The following SLC35E4 variants were observed in gnomAD, a reference collection of about 807,000 sequenced individuals.
The protein encoded by SLC35E4 is solute carrier family 35 member E4, also known as solute carrier family 35, member E4.
In SLC35E4, 15 loss-of-function variants were observed where a neutral mutation model predicts 19.3. That is an observed-to-expected ratio of 0.78 (90% CI 0.52 to 1.20). The LOEUF is 1.20. SLC35E4 is among the 50% of genes most tolerant of loss of function. The probability of loss-of-function intolerance (pLI) is 0.00; values close to 1 mark genes in which losing one functional copy is unlikely to be tolerated. For missense variants in SLC35E4, 406 were observed against 472.3 expected, an observed-to-expected ratio of 0.86 and a Z score of 1.30; for synonymous variants, 219 against 219.9, an observed-to-expected ratio of 1.00 and a Z score of 0.04.
intron 2 of SLC35E4, among the ~76,000 whole-genome samples, chr22:30,656,681 C>CT (rs1215927528): frequency 2.0e-5 from 3 of 152,180 alleles, no homozygotes; most frequent in Non-Finnish European, 4.4e-5. Flanking sequence ...CTGCTCTACT[C>CT]TGAGTCCAAA....
intron 1 of SLC35E4, among the ~76,000 whole-genome samples, chr22:30,641,144 C>T (rs2088029128): frequency 6.6e-6 from 1 of 152,244 alleles, no homozygotes; most frequent in East Asian, 1.9e-4. Flanking sequence ...AAGGTCCTAA[C>T]CTCAAGGCCC....
intron 2 of SLC35E4, among the ~76,000 whole-genome samples, chr22:30,660,773 G>A (rs1180417972): frequency 6.6e-6 from 1 of 151,862 alleles, no homozygotes; most frequent in Non-Finnish European, 1.5e-5. Flanking sequence ...ATTACCTGTT[G>A]GGAAACAATA....
chr22:30,640,397 A>G (rs1012878528), intron 1 of SLC35E4, among the ~76,000 whole-genome samples: 4 of 151,672 alleles, frequency 2.6e-5, no homozygotes, highest in Non-Finnish European at 5.9e-5. Flanking sequence ...GAAGAAAGAA[A>G]GAAAGAAGTT....
chr22:30,642,377 C>T (rs1195760056), intron 1 of SLC35E4, among the ~76,000 whole-genome samples: 3 of 152,072 alleles, frequency 2.0e-5, no homozygotes, highest in African/African-American at 4.8e-5. Flanking sequence ...CAGATTCAGA[C>T]GTGAGTGTAC....
At position 30,635,887 on chromosome 22, in the gene SLC35E4, A is replaced by C. The variant is rs1384433072; in HGVS notation, c.-564A>C. 1 of 152,276 alleles carries C rather than the reference A, an allele frequency of 6.6e-6. No homozygotes were observed. Among genetic ancestry groups the C allele is most frequent in the East Asian group, 1.9e-4 (1 of 5,142 alleles). The allele number at this position is 152,276 out of a possible 1,614,324, so 9.4% of individuals were successfully genotyped here. ...CGCAGGCCCTGCTGGATCCGCGCCT[A>C]GCTCGCCGCCAGGCACCGGCCGGAG... is the stretch of plus-strand genomic sequence containing the variant. On this transcript the variant is annotated 5_prime_UTR_variant, in exon 1 of 2. Coordinates refer to ENST00000343605, the MANE Select transcript of SLC35E4 (RefSeq NM_001001479.4).
chr22:30,636,897 C>A lies in SLC35E4; in HGVS notation c.447C>A (p.Ala149=). 1 of 1,612,236 alleles carries A rather than the reference C, an allele frequency of 6.2e-7. No homozygotes were observed. The part of the protein sequence containing the change: ...VTTTTPLFTL[A]LSALLLGRRH... ...CCACCACACCTCTGTTCACCCTGGC[C>A]CTGTCGGCGCTGCTGCTGGGCCGCC... Residue 149 remains alanine (A), a synonymous_variant, in exon 1 of 2, where the codon GCC becomes GCA. Coordinates refer to ENST00000343605, the MANE Select transcript of SLC35E4 (RefSeq NM_001001479.4).
chr22:30,658,436 C>T (rs1247418129), intron 2 of SLC35E4, among the ~76,000 whole-genome samples: 1 of 151,362 alleles, frequency 6.6e-6, no homozygotes, highest in Non-Finnish European at 1.5e-5. Context: ...CAGAAAAGCA[C>T]CTAAAACTCT....
In SLC35E4 at chr22:30,646,138, C is replaced by G. The variant is rs541921631; in HGVS notation, c.620-460C>G. Among the ~76,000 whole-genome samples the G allele has an allele frequency of 1.0e-3, 153 of 152,314 alleles. 1 individual carries two copies. Among genetic ancestry groups the G allele is most frequent in the African/African-American group, 3.6e-3 (149 of 41,556 alleles). The stretch of plus-strand genomic sequence containing the variant: ...AATGTTTTTTGAGCCACTTAGTCTT[C>G]ATGCTTATTGATCATTTAGATATCC... On this transcript the variant is annotated intron_variant, in intron 1 of 1. Transcript: ENST00000343605.
intron 2 of SLC35E4, among the ~76,000 whole-genome samples, chr22:30,660,941 G>T (rs1404840172): frequency 6.6e-6 from 1 of 151,840 alleles, no homozygotes; most frequent in African/African-American, 2.4e-5. Context: ...CCGGGTTCAA[G>T]TAATTCTCCT....
chr22:30,636,469 G>T lies in SLC35E4; in HGVS notation c.19G>T (p.Glu7Ter). ...GGTGCGGATGTGCCGCTGCCCGCCG[G>T]AGCACCATGATGGCAGGATGACCTC... Reference protein sequence around the residue: MCRCPPEHHDGRMTSAE... With the variant: MCRCPP The change falls in exon 1 of 2, where the codon GAG becomes TAG. Residue 7 changes from glutamate (E) to a stop codon, truncating the protein, a stop_gained. Transcript: ENST00000343605. LOFTEE classifies it high-confidence loss of function. 2 of 1,501,428 alleles carry T rather than the reference G, an allele frequency of 1.3e-6. 1 individual carries two copies. The highest frequency in any genetic ancestry group is 2.5e-5 in the South Asian group (2 of 78,976). The allele number at this position is 1,501,428 out of a possible 1,614,324, so 93.0% of individuals were successfully genotyped here. A position where few individuals can be genotyped will look rare whatever the true frequency, so the allele number is the denominator to read the frequency against.
chr22:30,645,935 C>T (rs1007081716), intron 1 of SLC35E4, among the ~76,000 whole-genome samples: 2 of 151,838 alleles, frequency 1.3e-5, no homozygotes, highest in Non-Finnish European at 2.9e-5. Context: ...CCTCCTGCCT[C>T]AGCCTCCTGA....
At chr22:30,663,507 AT>A (rs775149214), downstream of SLC35E4, 41 of 1,614,176 alleles carry the variant, frequency 2.5e-5, no homozygotes, top group East Asian at 7.4e-4. Context: ...GGAACTGACC[AT>A]GTGCACAGTG....
At chr22:30,658,756 G>A (rs947618360) in intron 2 of SLC35E4, among the ~76,000 whole-genome samples, 1 of 152,134 alleles carries the variant, frequency 6.6e-6, no homozygotes, top group African/African-American at 2.4e-5. Flanking sequence ...CAGTGAATGA[G>A]AACTGAACTA....
chr22:30,657,585 G>A (rs117112776), intron 2 of SLC35E4, among the ~76,000 whole-genome samples: 14,251 of 151,684 alleles, frequency 0.094, 969 homozygotes, highest in South Asian at 0.27. Flanking sequence ...ATGGTGAGAC[G>A]CTGTCTCTAA....
At chr22:30,644,002 G>A (rs1329936965) in intron 1 of SLC35E4, among the ~76,000 whole-genome samples, 1 of 152,176 alleles carries the variant, frequency 6.6e-6, no homozygotes, top group Non-Finnish European at 1.5e-5. Flanking sequence ...GGTGTGAGGA[G>A]ATGGGTGGGA....
chr22:30,659,775 T>C (rs2088422230), intron 2 of SLC35E4, among the ~76,000 whole-genome samples: 1 of 152,234 alleles, frequency 6.6e-6, no homozygotes, highest in Non-Finnish European at 1.5e-5. Context: ...ATGTAACTTA[T>C]GCAGATGTAA....
chr22:30,656,476 TTTAA>T (rs2088339819), intron 2 of SLC35E4, among the ~76,000 whole-genome samples: 2 of 152,146 alleles, frequency 1.3e-5, no homozygotes, highest in Admixed American at 6.5e-5. Context: ...TCAAACCAAA[TTTAA>T]TTGACTTTGG....
exon 3 of SLC35E4, chr22:30,663,116 G>C (rs2088523181): frequency 3.7e-6 from 1 of 269,620 alleles, no homozygotes; most frequent in Non-Finnish European, 7.0e-6. Context: ...ATCTGTTTTT[G>C]GGGAGGGCTG....
At chr22:30,653,533 G>A (rs1485562380) in intron 2 of SLC35E4, among the ~76,000 whole-genome samples, 3 of 152,010 alleles carry the variant, frequency 2.0e-5, no homozygotes, top group Non-Finnish European at 4.4e-5. Context: ...TACCATGCCC[G>A]GCTAATTTTT....
Sources: allele counts gnomAD v4.1 joint callset (sites outside exome capture counted in the v4.1 genomes callset), GRCh38; gene constraint gnomAD v4.1.1; transcripts MANE v1.5; gene names NCBI Gene and HGNC (gene_info 2026-07-23, HGNC 2026-07-21).